Variants in CNOT4 observed in about 807,000 individuals in gnomAD.
The protein encoded by CNOT4 is CCR4-NOT transcription complex subunit 4.
Under a neutral mutation model 73.8 loss-of-function variants are expected in CNOT4, and 8 were observed. The observed-to-expected ratio is 0.11, with a 90% CI of 0.06 to 0.20. The LOEUF is 0.20. Among genes scored for constraint, CNOT4 ranks in the 10% least tolerant of loss-of-function variants. The pLI, the probability that CNOT4 is intolerant of heterozygous loss-of-function variation, is 1.00. For synonymous variants in CNOT4, 293 were observed against 321.1 expected (o/e 0.91, Z 0.94); for missense variants, 564 against 883.4 (o/e 0.64, Z 4.58).
chr7:135,402,948 A>G (rs1156775892), intron 7 of CNOT4, among the ~76,000 whole-genome samples: 1 of 152,234 alleles, frequency 6.6e-6, no homozygotes, highest in Non-Finnish European at 1.5e-5. Context: ...AACCAATTAC[A>G]TAGTAGAAGA....
intron 1 of CNOT4, chr7:135,444,838 T>C (rs28712751): frequency 0.086 from 138,363 of 1,606,528 alleles, 6,514 homozygotes; most frequent in Middle Eastern, 0.14. Flanking sequence ...GCAGGGCTTT[T>C]GGCACTTTCA....
intron 1 of CNOT4, among the ~76,000 whole-genome samples, chr7:135,470,452 A>G (rs1801508768): frequency 6.6e-6 from 1 of 151,846 alleles, no homozygotes; most frequent in African/African-American, 2.4e-5. Flanking sequence ...AGTTTTATTC[A>G]TAATAGCCAA....
chr7:135,476,619 T>C (rs918088242), intron 1 of CNOT4, among the ~76,000 whole-genome samples: 4 of 152,176 alleles, frequency 2.6e-5, no homozygotes, highest in African/African-American at 9.7e-5. Context: ...GAGGCTGCAG[T>C]AAGCTATGAT....
chr7:135,450,959 A>G (rs1001579331), intron 1 of CNOT4, among the ~76,000 whole-genome samples: 3 of 152,120 alleles, frequency 2.0e-5, no homozygotes, highest in African/African-American at 7.2e-5. Flanking sequence ...TGACTCAAAA[A>G]AGAAAAATAA....
At chr7:135,399,725 C>T (rs990081296) in intron 7 of CNOT4, among the ~76,000 whole-genome samples, 3 of 152,088 alleles carry the variant, frequency 2.0e-5, no homozygotes, top group Non-Finnish European at 4.4e-5. Flanking sequence ...GGTGCATCTT[C>T]TGCAGACATT....
At chr7:135,365,584 T>C (rs1794871477) in intron 10 of CNOT4, among the ~76,000 whole-genome samples, 1 of 152,066 alleles carries the variant, frequency 6.6e-6, no homozygotes, top group Non-Finnish European at 1.5e-5. Flanking sequence ...TATTGAGAAC[T>C]TGAACCTGAA....
intron 7 of CNOT4, among the ~76,000 whole-genome samples, chr7:135,403,679 G>T (rs1031717670): frequency 2.6e-5 from 4 of 152,256 alleles, no homozygotes; most frequent in South Asian, 4.2e-4. Flanking sequence ...GTGTAAATAT[G>T]ATTTTAATTA....
chr7:135,486,200 A>T (rs929238802), intron 1 of CNOT4, among the ~76,000 whole-genome samples: 1 of 152,122 alleles, frequency 6.6e-6, no homozygotes, highest in African/African-American at 2.4e-5. Flanking sequence ...TCAAGAGATT[A>T]AAAAAAATCT....
At chr7:135,450,213 T>C (rs756942646) in intron 1 of CNOT4, among the ~76,000 whole-genome samples, 2 of 152,026 alleles carry the variant, frequency 1.3e-5, no homozygotes, top group African/African-American at 4.8e-5. Flanking sequence ...AAAAATTAAA[T>C]AAACAAAAAC....
chr7:135,414,761 A>G (rs1397671116), intron 4 of CNOT4, among the ~76,000 whole-genome samples: 1 of 152,134 alleles, frequency 6.6e-6, no homozygotes, highest in Non-Finnish European at 1.5e-5. Context: ...AATAAGACTT[A>G]AAGACTATGT....
chr7:135,468,531 GT>G (rs1801369577), intron 1 of CNOT4, among the ~76,000 whole-genome samples: 1 of 151,508 alleles, frequency 6.6e-6, no homozygotes, highest in South Asian at 2.1e-4. Flanking sequence ...AAATACAAAA[GT>G]TAGCCAGGTG....
intron 1 of CNOT4, among the ~76,000 whole-genome samples, chr7:135,467,420 A>C (rs1203265784): frequency 6.6e-6 from 1 of 152,158 alleles, no homozygotes; most frequent in Non-Finnish European, 1.5e-5. Context: ...AAAGACATAA[A>C]ATTTCTGGGG....
At chr7:135,379,178 A>G (rs1795697823) in intron 10 of CNOT4, among the ~76,000 whole-genome samples, 2 of 152,184 alleles carry the variant, frequency 1.3e-5, no homozygotes, top group Admixed American at 1.3e-4. Flanking sequence ...GGGTGAACAC[A>G]AGCTACCGGA....
Position 135,509,933 on chromosome 7 carries a change from G to T in CNOT4, c.-137C>A. 2.5e-6 allele frequency: 1 copy of T among 398,638 alleles called. No homozygotes were observed. Among genetic ancestry groups the T allele is most frequent in the Non-Finnish European group, 4.4e-6 (1 of 226,088 alleles). The allele number at this position is 398,638 out of a possible 1,614,324, so 24.7% of individuals were successfully genotyped here. A position where few individuals can be genotyped will look rare whatever the true frequency, so the allele number is the denominator to read the frequency against. On this transcript the variant is annotated 5_prime_UTR_variant, in exon 1 of 12. Coordinates refer to ENST00000541284, the MANE Select transcript of CNOT4 (RefSeq NM_001190850.2). ...TTTCCCTCAGCCGACTCCACGGGCT[G>T]CCGCGTCCTCACAAGAAACCACCGA...
intron 8 of CNOT4, among the ~76,000 whole-genome samples, 184 bp downstream of exon 8, chr7:135,397,985 G>A (rs1281189114): frequency 6.6e-6 from 1 of 151,892 alleles, no homozygotes; most frequent in Non-Finnish European, 1.5e-5. Context: ...CATTAAAAAA[G>A]GGTTAAACTA....
At chr7:135,479,014 T>G (rs1802176310) in intron 1 of CNOT4, among the ~76,000 whole-genome samples, 1 of 152,086 alleles carries the variant, frequency 6.6e-6, no homozygotes, top group African/African-American at 2.4e-5. Context: ...AATTGGTAAA[T>G]TTGATGAGTC....
intron 2 of CNOT4, among the ~76,000 whole-genome samples, chr7:135,426,207 C>T (rs1798485913): frequency 6.6e-6 from 1 of 151,904 alleles, no homozygotes; most frequent in Non-Finnish European, 1.5e-5. Context: ...AGGCAAGACC[C>T]TATTTCAAAA....
intron 1 of CNOT4, among the ~76,000 whole-genome samples, chr7:135,483,903 T>C (rs1423565674): frequency 1.3e-5 from 2 of 152,060 alleles, no homozygotes; most frequent in Admixed American, 6.6e-5. Context: ...AAAAAACCTA[T>C]AGCTAGGCCA....
At chr7:135,492,900 T>C (rs1395623654) in intron 1 of CNOT4, among the ~76,000 whole-genome samples, 2 of 152,164 alleles carry the variant, frequency 1.3e-5, no homozygotes, top group Non-Finnish European at 2.9e-5. Flanking sequence ...GTGATATATA[T>C]TGAAATTATC....
Sources: gnomAD v4.1 joint callset for allele counts (sites outside exome capture counted in the v4.1 genomes callset) on GRCh38, gnomAD v4.1.1 for gene constraint, MANE v1.5 for transcripts, NCBI Gene and HGNC (gene_info 2026-07-23, HGNC 2026-07-21) for gene names.